The following WWC1 variants were observed in gnomAD, a reference collection of about 807,000 sequenced individuals.
The protein encoded by WWC1 is protein KIBRA.
Under a neutral mutation model 138.4 loss-of-function variants are expected in WWC1, and 55 were observed. The ratio of observed to expected loss-of-function variants is 0.40; its 90% CI spans 0.32 to 0.50. WWC1 has a LOEUF of 0.50. WWC1 is among the 20% of genes least tolerant of loss of function. The pLI is 0.72. For synonymous variants in WWC1, 524 were observed against 564.9 expected (o/e 0.93, Z 1.03); for missense variants, 1,226 against 1,420.4 (o/e 0.86, Z 2.20).
At chr5:168,397,928 A>G (rs1258491762) in intron 4 of WWC1, 128 bp downstream of exon 4, 1 of 923,352 alleles carries the variant, frequency 1.1e-6, no homozygotes, top group African/African-American at 1.6e-5. Context: ...GCAAGGTCCT[A>G]AATAATAACA....
Position 168,352,143 on chromosome 5 carries a change from C to T in WWC1, c.120-19281C>T, listed in dbSNP as rs571124802. ...AGAGCTCAATTAACATTAACACGCA[C>T]GAGTCTTGAATACTGTCCACATGTG... On this transcript the variant is annotated intron_variant, in intron 1 of 22. Transcript: ENST00000265293. 9.0e-4 allele frequency among the ~76,000 whole-genome samples: 137 copies of T among 152,276 alleles called. 2 individuals carry two copies. The highest frequency in any genetic ancestry group is 6.6e-4 in the Non-Finnish European group (45 of 68,018).
intron 11 of WWC1, among the ~76,000 whole-genome samples, chr5:168,425,246 A>C (rs577607547): frequency 9.9e-5 from 15 of 152,244 alleles, no homozygotes; most frequent in African/African-American, 3.4e-4. Context: ...ATGCACATTC[A>C]TGCCAACTCC....
chr5:168,367,388 G>T (rs946405754), intron 1 of WWC1, among the ~76,000 whole-genome samples: 1 of 151,924 alleles, frequency 6.6e-6, no homozygotes, highest in East Asian at 1.9e-4. Flanking sequence ...CTGGAGTGCA[G>T]TGGCGGGATC....
chr5:168,337,215 G>A (rs10064972), intron 1 of WWC1, among the ~76,000 whole-genome samples: 17,890 of 152,090 alleles, frequency 0.12, 2,294 homozygotes, highest in African/African-American at 0.32. Context: ...CACTCCCACT[G>A]GTACACGTAG....
intron 4 of WWC1, among the ~76,000 whole-genome samples, chr5:168,398,638 G>A (rs183253582): frequency 1.5e-3 from 229 of 148,148 alleles, no homozygotes; most frequent in African/African-American, 5.4e-3. Flanking sequence ...TTACTTGCTC[G>A]TGGCAAAGTC....
chr5:168,448,115 A>G (rs1755445541), intron 17 of WWC1, among the ~76,000 whole-genome samples: 1 of 151,920 alleles, frequency 6.6e-6, no homozygotes, highest in Non-Finnish European at 1.5e-5. Flanking sequence ...AACTTCCCCC[A>G]GACGCTGTCT....
At chr5:168,314,122 A>G (rs2043180948) in intron 1 of WWC1, among the ~76,000 whole-genome samples, 1 of 152,194 alleles carries the variant, frequency 6.6e-6, no homozygotes, top group African/African-American at 2.4e-5. Context: ...TGTTGGCTCT[A>G]ATAAGCAATG....
chr5:168,377,575 A>G (rs1777296313), intron 2 of WWC1, among the ~76,000 whole-genome samples: 1 of 150,684 alleles, frequency 6.6e-6, no homozygotes, highest in Non-Finnish European at 1.5e-5. Flanking sequence ...AACTTAAAAA[A>G]TTCAACAAGC....
intron 1 of WWC1, among the ~76,000 whole-genome samples, chr5:168,308,281 G>T (rs1409204467): frequency 1.5e-5 from 2 of 136,788 alleles, no homozygotes; most frequent in African/African-American, 5.4e-5. Context: ...ACCCTACATG[G>T]ATCTTACAGA....
chr5:168,455,430 C>CA lies in WWC1; in HGVS notation c.2734dup (p.Thr912AsnfsTer17). On this transcript the variant is annotated frameshift_variant, in exon 19 of 23. Transcript: ENST00000265293. LOFTEE classifies it high-confidence loss of function. The stretch of plus-strand genomic sequence containing the variant: ...TGCGACCTAAGGACCGGAGAGTGGG[C>CA]ACCCCGTCCCAGGGGCCATTTCTTC... 6.2e-7 allele frequency: 1 copy of CA among 1,612,122 alleles called. No individual in the cohort carries two copies. Among genetic ancestry groups the CA allele is most frequent in the Non-Finnish European group, 8.5e-7 (1 of 1,179,168 alleles).
At chr5:168,463,823 C>A (rs1385882147) in intron 20 of WWC1, among the ~76,000 whole-genome samples, 1 of 152,170 alleles carries the variant, frequency 6.6e-6, no homozygotes, top group African/African-American at 2.4e-5. Context: ...CAGGCCTCAG[C>A]CCCTTTCTCA....
At chr5:168,314,159 C>G (rs976861788) in intron 1 of WWC1, among the ~76,000 whole-genome samples, 1 of 152,170 alleles carries the variant, frequency 6.6e-6, no homozygotes, top group Non-Finnish European at 1.5e-5. Flanking sequence ...GGCAGGATTT[C>G]AGTCCTCAGA....
rs148978464 is a variant in WWC1, at chr5:168,427,946, G to C, written c.1811-87G>C. 2.7e-4 allele frequency: 301 copies of C among 1,100,946 alleles called. No homozygotes were observed. The African/African-American group carries it at 3.9e-3, about 14-fold the overall frequency. 68.2% of individuals were successfully genotyped at this position (1,100,946 alleles called of 1,614,324 possible). A position where few individuals can be genotyped will look rare whatever the true frequency, so the allele number is the denominator to read the frequency against. On this transcript the variant is annotated intron_variant, in intron 11 of 22. Transcript: ENST00000265293. ...ACTGCACTCCAGCCTGGATGAGTGA[G>C]ACCCTGCCTCAAAAACAAAACAAAA... is the stretch of plus-strand genomic sequence containing the variant.
chr5:168,324,724 A>G (rs971448210), intron 1 of WWC1, among the ~76,000 whole-genome samples: 1 of 152,192 alleles, frequency 6.6e-6, no homozygotes, highest in Non-Finnish European at 1.5e-5. Flanking sequence ...TAAATGGACT[A>G]AACACTTTAA....
intron 13 of WWC1, among the ~76,000 whole-genome samples, chr5:168,429,649 A>G (rs990380778): frequency 1.3e-5 from 2 of 152,078 alleles, no homozygotes; most frequent in Non-Finnish European, 2.9e-5. Context: ...AATTCAGACA[A>G]CTGGCTGGGT....
At chr5:168,367,856 AAATT>A (rs1287806892) in intron 1 of WWC1, among the ~76,000 whole-genome samples, 7 of 152,068 alleles carry the variant, frequency 4.6e-5, no homozygotes, top group Non-Finnish European at 8.8e-5. Context: ...CACAACAAAT[AAATT>A]AATAAAAAAA....
chr5:168,434,793 A>G (rs148927212), intron 15 of WWC1, among the ~76,000 whole-genome samples: 323 of 152,294 alleles, frequency 2.1e-3, no homozygotes, highest in Non-Finnish European at 3.8e-3. Flanking sequence ...CATCACAGGG[A>G]GCCTAGTTGC....
chr5:168,399,167 A>T (rs910107443), intron 4 of WWC1, among the ~76,000 whole-genome samples: 20 of 152,194 alleles, frequency 1.3e-4, no homozygotes, highest in African/African-American at 4.8e-4. Flanking sequence ...AGACAGCTTG[A>T]GAGAGTTCAC....
intron 1 of WWC1, among the ~76,000 whole-genome samples, chr5:168,365,275 G>A (rs1356647548): frequency 6.6e-6 from 1 of 152,140 alleles, no homozygotes; most frequent in African/African-American, 2.4e-5. Flanking sequence ...GAGAGGTTCG[G>A]CTGAAAGTTT....
Sources: gnomAD v4.1 joint callset for allele counts (sites outside exome capture counted in the v4.1 genomes callset) on GRCh38, gnomAD v4.1.1 for gene constraint, MANE v1.5 for transcripts, NCBI Gene and HGNC (gene_info 2026-07-23, HGNC 2026-07-21) for gene names.